Variants in CSMD1 observed in about 807,000 individuals in gnomAD.
CSMD1 encodes CUB and Sushi multiple domains 1.
In CSMD1, 213 loss-of-function variants were observed where a neutral mutation model predicts 417.5. The ratio of observed to expected loss-of-function variants is 0.51; its 90% CI spans 0.46 to 0.57. The LOEUF is 0.57. Among genes scored for constraint, CSMD1 ranks in the 20% least tolerant of loss-of-function variants. The pLI, the probability that CSMD1 is intolerant of heterozygous loss-of-function variation, is 0.00. For synonymous variants in CSMD1, 2,862 were observed against 1,736.8 expected (o/e 1.65, Z -16.11); for missense variants, 6,923 against 4,529.7 (o/e 1.53, Z -15.17).
chr8:4,607,640 G>T (rs1405593241), intron 2 of CSMD1, among the ~76,000 whole-genome samples: 1 of 152,114 alleles, frequency 6.6e-6, no homozygotes, highest in Non-Finnish European at 1.5e-5. Context: ...ATTTTTTGGT[G>T]TAAAAATGGA....
chr8:4,324,969 A>G (rs2036548), intron 3 of CSMD1, among the ~76,000 whole-genome samples: 102,786 of 151,944 alleles, frequency 0.68, 35,285 homozygotes, highest in African/African-American at 0.78. Flanking sequence ...GGATATCATT[A>G]TATCACTGTT....
intron 4 of CSMD1, 26 bp from the exon 5 acceptor site, chr8:3,998,136 G>C: frequency 2.0e-6 from 3 of 1,537,238 alleles, no homozygotes; most frequent in Non-Finnish European, 2.6e-6. Context: ...CAGAAAGAAA[G>C]CATCACATTT....
intron 3 of CSMD1, among the ~76,000 whole-genome samples, chr8:4,181,517 C>T (rs539230270): frequency 1.3e-5 from 2 of 151,984 alleles, no homozygotes; most frequent in African/African-American, 4.8e-5. Flanking sequence ...CACCAGAAAA[C>T]CTTACAATAT....
At chr8:3,631,323 T>C (rs1563215543) in intron 7 of CSMD1, among the ~76,000 whole-genome samples, 1 of 152,146 alleles carries the variant, frequency 6.6e-6, no homozygotes, top group Non-Finnish European at 1.5e-5. Flanking sequence ...GGTTTATTGT[T>C]CTCATTCTGA....
chr8:3,491,029 T>C (rs919670775), intron 11 of CSMD1, among the ~76,000 whole-genome samples: 2 of 152,090 alleles, frequency 1.3e-5, no homozygotes, highest in Admixed American at 6.5e-5. Context: ...TGCCTCTTCA[T>C]CCCCAAATTC....
chr8:3,735,153 C>T (rs565679596), intron 6 of CSMD1, among the ~76,000 whole-genome samples: 1 of 152,328 alleles, frequency 6.6e-6, no homozygotes, highest in African/African-American at 2.4e-5. Context: ...TCAGCTGATA[C>T]ATTCCCAAGT....
At chr8:4,713,528 G>C (rs1808448264) in intron 1 of CSMD1, among the ~76,000 whole-genome samples, 1 of 151,972 alleles carries the variant, frequency 6.6e-6, no homozygotes, top group South Asian at 2.1e-4. Context: ...CAGCCTCCCG[G>C]GTAGCTGGGA....
intron 1 of CSMD1, among the ~76,000 whole-genome samples, chr8:4,986,407 G>A (rs1042076350): frequency 1.3e-5 from 2 of 152,014 alleles, no homozygotes; most frequent in Admixed American, 6.6e-5. Context: ...AAGAAGAGGA[G>A]GAAAAAGTTT....
chr8:3,512,056 T>C (rs1156518791), intron 10 of CSMD1, among the ~76,000 whole-genome samples: 1 of 152,182 alleles, frequency 6.6e-6, no homozygotes, highest in Non-Finnish European at 1.5e-5. Context: ...GGATCCACTA[T>C]GTGGCCCTAG....
At chr8:3,342,054 G>T (rs979368880) in intron 23 of CSMD1, among the ~76,000 whole-genome samples, 1 of 152,188 alleles carries the variant, frequency 6.6e-6, no homozygotes, top group Admixed American at 6.5e-5. Context: ...GGTTGATCTT[G>T]TAACATCAAT....
At chr8:4,398,700 G>A (rs1804440062) in intron 3 of CSMD1, among the ~76,000 whole-genome samples, 1 of 152,034 alleles carries the variant, frequency 6.6e-6, no homozygotes, top group African/African-American at 2.4e-5. Flanking sequence ...CGGCCACTCT[G>A]CAACATTTAG....
At chr8:4,930,454 T>A (rs1313206487) in intron 1 of CSMD1, among the ~76,000 whole-genome samples, 1 of 149,294 alleles carries the variant, frequency 6.7e-6, no homozygotes, top group African/African-American at 2.6e-5. Context: ...TTTGACATAC[T>A]GTTAGCTTAT....
chr8:4,284,534 G>C (rs569886194), intron 3 of CSMD1, among the ~76,000 whole-genome samples: 1 of 152,066 alleles, frequency 6.6e-6, no homozygotes, highest in Non-Finnish European at 1.5e-5. Flanking sequence ...GTTCTTGCGC[G>C]ACACACTTGC....
chr8:3,253,970 T>C (rs1319928759), intron 26 of CSMD1, among the ~76,000 whole-genome samples: 2 of 152,194 alleles, frequency 1.3e-5, no homozygotes, highest in South Asian at 2.1e-4. Context: ...TTCCTAGCCT[T>C]GATGGTCTTT....
intron 3 of CSMD1, among the ~76,000 whole-genome samples, chr8:4,196,764 T>C (rs57066071): frequency 0.049 from 7,518 of 152,186 alleles, 600 homozygotes; most frequent in African/African-American, 0.17. Context: ...ATCTTATCTG[T>C]AAACCCCTTT....
intron 8 of CSMD1, among the ~76,000 whole-genome samples, chr8:3,606,926 G>A (rs1242410224): frequency 6.6e-6 from 1 of 151,936 alleles, no homozygotes; most frequent in Non-Finnish European, 1.5e-5. Flanking sequence ...TGGCCAGGAT[G>A]GTCTCGATCT....
intron 26 of CSMD1, among the ~76,000 whole-genome samples, chr8:3,272,454 C>G (rs1358280929): frequency 1.3e-5 from 2 of 150,286 alleles, no homozygotes; most frequent in Non-Finnish European, 3.0e-5. Context: ...GTAGTTTTTT[C>G]CAATTCTGGG....
chr8:3,878,694 T>C (rs778118792), intron 5 of CSMD1, among the ~76,000 whole-genome samples: 6 of 152,220 alleles, frequency 3.9e-5, no homozygotes, highest in Non-Finnish European at 7.3e-5. Flanking sequence ...GTTGCTAGTA[T>C]GTCTGATGCT....
chr8:4,045,490 G>T (rs149872278), intron 3 of CSMD1, among the ~76,000 whole-genome samples: 2 of 152,330 alleles, frequency 1.3e-5, no homozygotes, highest in Admixed American at 6.5e-5. Flanking sequence ...ACTGTCCCCA[G>T]TTGGGGGAAG....
Sources: gnomAD v4.1 joint callset for allele counts (sites outside exome capture counted in the v4.1 genomes callset) on GRCh38, gnomAD v4.1.1 for gene constraint, MANE v1.5 for transcripts, NCBI Gene and HGNC (gene_info 2026-07-23, HGNC 2026-07-21) for gene names.